Variants in TXNL4A observed in about 807,000 individuals in gnomAD.
TXNL4A encodes thioredoxin-like protein 4A.
In TXNL4A, 17 loss-of-function variants were observed where a neutral mutation model predicts 14.6. The ratio of observed to expected loss-of-function variants is 1.16; its 90% CI spans 0.80 to 1.74. TXNL4A has a LOEUF of 1.74. Among genes scored for constraint, TXNL4A ranks in the 40% most tolerant of loss-of-function variants. The pLI, the probability that TXNL4A is intolerant of heterozygous loss-of-function variation, is 0.00. For synonymous variants in TXNL4A, 83 were observed against 70.6 expected, an observed-to-expected ratio of 1.18 and a Z score of -0.88; for missense variants, 74 against 195.2, an observed-to-expected ratio of 0.38 and a Z score of 3.70.
chr18:79,973,589 T>C lies in TXNL4A; in HGVS notation c.*96A>G. 1 of 1,482,328 alleles carries C rather than the reference T, an allele frequency of 6.7e-7. No homozygotes were observed. The highest frequency in any genetic ancestry group is 9.0e-7 in the Non-Finnish European group (1 of 1,109,226). 91.8% of individuals were successfully genotyped at this position (1,482,328 alleles called of 1,614,324 possible). A position where few individuals can be genotyped will look rare whatever the true frequency, so the allele number is the denominator to read the frequency against. On this transcript the variant is annotated 3_prime_UTR_variant, in exon 3 of 3. Coordinates refer to ENST00000269601, the MANE Select transcript of TXNL4A (RefSeq NM_006701.5). ...TTCCATCTCAGAGGTGCTCCAGCCCTGGAGCTTCCTGTATTTTCCAAAGGC... is the reference window on the plus strand; with the variant it reads ...TTCCATCTCAGAGGTGCTCCAGCCCCGGAGCTTCCTGTATTTTCCAAAGGC...
rs1158699416 is a variant in TXNL4A, at chr18:79,972,062, T to C, written c.*1623A>G. On this transcript the variant is annotated 3_prime_UTR_variant, in exon 3 of 3. Transcript: ENST00000269601. ...ATCCATTTAAAAAGCACACACTCAT[T>C]TGTACTGTATGTAAAAAATGTGCTT... 3 of 152,212 alleles carry C rather than the reference T, an allele frequency of 2.0e-5. No homozygotes were observed. Among genetic ancestry groups the C allele is most frequent in the Non-Finnish European group, 2.9e-5 (2 of 68,044 alleles). The allele number at this position is 152,212 out of a possible 1,614,324, so 9.4% of individuals were successfully genotyped here.
intron 2 of TXNL4A, among the ~76,000 whole-genome samples, chr18:79,974,672 T>A (rs576961027): frequency 6.6e-6 from 1 of 152,000 alleles, no homozygotes; most frequent in Non-Finnish European, 1.5e-5. Context: ...AAAGATGGGG[T>A]GTCCCCATGT....
At chr18:80,016,039 T>C (rs2145120268) in intron 1 of TXNL4A, among the ~76,000 whole-genome samples, 1 of 137,746 alleles carries the variant, frequency 7.3e-6, no homozygotes, top group South Asian at 2.8e-4. Context: ...TCCTGACTTT[T>C]TAATGATTGC....
rs773588334 is a variant in TXNL4A, at chr18:79,977,523, C to A, written c.257+75G>T. ...CCAACTTCCTTCAAAATAAAATAAT[C>A]TAAAGAGATCTTGATTACATTAAGC... On this transcript the variant is annotated intron_variant, in intron 2 of 2. Coordinates refer to ENST00000269601, the MANE Select transcript of TXNL4A (RefSeq NM_006701.5). The A allele has an allele frequency of 6.3e-6, 8 of 1,261,174 alleles. 1 individual carries two copies. In the Middle Eastern group the frequency reaches 1.4e-3, roughly 214 times the overall value. The allele number at this position is 1,261,174 out of a possible 1,614,324, so 78.1% of individuals were successfully genotyped here.
At chr18:79,991,192 G>A (rs781666635), upstream of TXNL4A, among the ~76,000 whole-genome samples, 86 of 151,304 alleles carry the variant, frequency 5.7e-4, no homozygotes, top group Non-Finnish European at 1.1e-3. Flanking sequence ...TGGTTTTTCA[G>A]TGTTGTGGAA....
rs1277146867 is a variant in TXNL4A, at chr18:79,972,674, A to C, written c.*1011T>G. On this transcript the variant is annotated 3_prime_UTR_variant, in exon 3 of 3. Coordinates refer to ENST00000269601, the MANE Select transcript of TXNL4A (RefSeq NM_006701.5). ...GAGACGGGATTTCACCATGTTGGCC[A>C]GGCTGGTCTCGAACACCTGACTTCG... 2 of 152,190 alleles carry C rather than the reference A, an allele frequency of 1.3e-5. No homozygotes were observed. The highest frequency in any genetic ancestry group is 4.8e-5 in the African/African-American group (2 of 41,426). The allele number at this position is 152,190 out of a possible 1,614,324, so 9.4% of individuals were successfully genotyped here.
In TXNL4A at chr18:80,017,087, A is replaced by G. The variant is rs1362110672; in HGVS notation, c.-61+16764T>C. Among the ~76,000 whole-genome samples the G allele has an allele frequency of 2.0e-5, 3 of 148,426 alleles. No individual in the cohort carries two copies. The East Asian group carries it at 6.0e-4, about 29-fold the overall frequency. The stretch of plus-strand genomic sequence containing the variant: ...TGAAGAGGTCCTTCACATCCCTTGT[A>G]AGTTGGATTCCTAGGTATTTTATTC... On this transcript the variant is annotated intron_variant, in intron 1 of 2. Transcript: ENST00000585474.
chr18:79,990,256 T>C (rs968987217), upstream of TXNL4A, among the ~76,000 whole-genome samples: 1 of 152,238 alleles, frequency 6.6e-6, no homozygotes, highest in African/African-American at 2.4e-5. Flanking sequence ...CGAAATGCTT[T>C]ATTGTAATGA....
At position 79,986,652 on chromosome 18, in the gene TXNL4A, C is replaced by A. The variant is rs907627739; in HGVS notation, c.153+1588G>T. 5.1e-6 allele frequency: 5 copies of A among 985,348 alleles called. No individual in the cohort carries two copies. In the Admixed American group the frequency reaches 1.8e-4, roughly 36 times the overall value. The allele number at this position is 985,348 out of a possible 1,614,324, so 61.0% of individuals were successfully genotyped here. A position where few individuals can be genotyped will look rare whatever the true frequency, so the allele number is the denominator to read the frequency against. ...GCTAAGAGCATCTTGCTGAGCTGTG[C>A]TCGGATGTGATGAGACAAAGGCCCT... On this transcript the variant is annotated intron_variant, in intron 1 of 2. Transcript: ENST00000269601.
intron 1 of TXNL4A, among the ~76,000 whole-genome samples, chr18:79,978,683 A>G (rs1338672302): frequency 6.6e-6 from 1 of 152,014 alleles, no homozygotes; most frequent in Non-Finnish European, 1.5e-5. Flanking sequence ...TTGTAGAGAC[A>G]GGGTTTTGCC....
intron 1 of TXNL4A, among the ~76,000 whole-genome samples, chr18:80,020,321 G>A (rs150951874): frequency 6.6e-6 from 1 of 152,320 alleles, no homozygotes; most frequent in African/African-American, 2.4e-5. Flanking sequence ...CTGAACTGCA[G>A]GTTTTTCCAG....
intron 1 of TXNL4A, among the ~76,000 whole-genome samples, chr18:80,027,206 T>C (rs1179942567): frequency 6.6e-6 from 1 of 152,072 alleles, no homozygotes; most frequent in Non-Finnish European, 1.5e-5. Context: ...TTGTCTCCGA[T>C]ATTGTAGAGG....
upstream of TXNL4A, among the ~76,000 whole-genome samples, chr18:79,993,562 T>C (rs181136986): frequency 6.6e-6 from 1 of 152,352 alleles, no homozygotes; most frequent in East Asian, 1.9e-4. This position sits in a 1 kb window ranked among gnomAD's most constrained non-coding sequence, Gnocchi z 4.4. Context: ...ATTTGCGTGA[T>C]CACTGTTAGT....
At chr18:80,005,430 T>C (rs2051723564) in intron 1 of TXNL4A, among the ~76,000 whole-genome samples, 1 of 152,238 alleles carries the variant, frequency 6.6e-6, no homozygotes, top group Admixed American at 6.5e-5. Context: ...TATGTAGGTA[T>C]TCATTCTGTA....
At chr18:80,030,141 C>A (rs1406782975) in intron 1 of TXNL4A, among the ~76,000 whole-genome samples, 1 of 152,200 alleles carries the variant, frequency 6.6e-6, no homozygotes, top group Admixed American at 6.5e-5. Flanking sequence ...AAGACCTTTG[C>A]CTCCAGTTCA....
intron 1 of TXNL4A, among the ~76,000 whole-genome samples, chr18:80,005,740 C>A (rs544294817): frequency 1.3e-5 from 2 of 152,106 alleles, no homozygotes; most frequent in East Asian, 3.9e-4. Flanking sequence ...CATGGCAAAA[C>A]CCTGTCTCTA....
At chr18:79,983,151 C>G (rs1421504985) in intron 1 of TXNL4A, among the ~76,000 whole-genome samples, 1 of 152,152 alleles carries the variant, frequency 6.6e-6, no homozygotes, top group Non-Finnish European at 1.5e-5. Flanking sequence ...CAAGCGCCCA[C>G]CACCACATCT....
chr18:79,989,479 G>A (rs975271030), upstream of TXNL4A, among the ~76,000 whole-genome samples: 30 of 152,146 alleles, frequency 2.0e-4, no homozygotes, highest in Non-Finnish European at 5.9e-5. Flanking sequence ...CCCTGGCTTC[G>A]CTCACCAGTC....
Position 79,973,617 on chromosome 18 carries a change from T to C in TXNL4A, c.*68A>G. ...AGCTTCCTGTATTTTCCAAAGGCTT[T>C]AAATAGCTTAAAACGTTTCCATACA... On this transcript the variant is annotated 3_prime_UTR_variant, in exon 3 of 3. Transcript: ENST00000269601. 1 of 1,535,288 alleles carries C rather than the reference T, an allele frequency of 6.5e-7. No individual in the cohort carries two copies. Among genetic ancestry groups the C allele is most frequent in the Non-Finnish European group, 8.7e-7 (1 of 1,143,658 alleles).
Sources: gnomAD v4.1 joint callset for allele counts (sites outside exome capture counted in the v4.1 genomes callset) on GRCh38, gnomAD v4.1.1 for gene constraint, Gnocchi (gnomAD v3.1) non-coding constraint, MANE v1.5 for transcripts, NCBI Gene and HGNC (gene_info 2026-07-23, HGNC 2026-07-21) for gene names.